Variants in SLC39A11 observed in about 807,000 individuals in gnomAD.
SLC39A11 encodes solute carrier family 39 member 11.
SLC39A11 carries 33 observed loss-of-function variants against 36.1 expected under a neutral mutation model. That is an observed-to-expected ratio of 0.91 (90% CI 0.69 to 1.22). The LOEUF is 1.22. SLC39A11 is among the 50% of genes most tolerant of loss of function. The pLI, the probability that SLC39A11 is intolerant of heterozygous loss-of-function variation, is 0.00. For missense variants in SLC39A11, 432 were observed against 430.3 expected (o/e 1.00, Z -0.03); for synonymous variants, 166 against 170.3 (o/e 0.97, Z 0.20).
At chr17:72,970,175 C>G (rs763032621) in intron 4 of SLC39A11, among the ~76,000 whole-genome samples, 6 of 152,186 alleles carry the variant, frequency 3.9e-5, no homozygotes, top group Admixed American at 6.5e-5. Flanking sequence ...AAGCAGGTCA[C>G]GGTCATTTGG....
intron 3 of SLC39A11, among the ~76,000 whole-genome samples, chr17:73,041,286 A>G (rs1489221750): frequency 6.6e-6 from 1 of 152,232 alleles, no homozygotes; most frequent in Non-Finnish European, 1.5e-5. Context: ...CACATTTTGG[A>G]AGCTTGAAGA....
chr17:72,917,037 G>A (rs1598407264), intron 5 of SLC39A11, among the ~76,000 whole-genome samples: 1 of 152,230 alleles, frequency 6.6e-6, no homozygotes, highest in East Asian at 1.9e-4. Flanking sequence ...ACTGGGGGAT[G>A]ACCACTCTAT....
At chr17:73,070,613 T>C (rs988280570) in intron 3 of SLC39A11, among the ~76,000 whole-genome samples, 1 of 152,206 alleles carries the variant, frequency 6.6e-6, no homozygotes, top group Non-Finnish European at 1.5e-5. Context: ...CCTGGTGATA[T>C]GGTTTGGCTG....
chr17:73,054,251 A>T (rs573720997), intron 3 of SLC39A11, among the ~76,000 whole-genome samples: 1 of 152,124 alleles, frequency 6.6e-6, no homozygotes, highest in African/African-American at 2.4e-5. Flanking sequence ...AGTCCCAGCT[A>T]CTCAGGAGGC....
At chr17:72,753,489 T>C (rs559026371) in intron 6 of SLC39A11, among the ~76,000 whole-genome samples, 6 of 152,372 alleles carry the variant, frequency 3.9e-5, no homozygotes, top group Admixed American at 3.9e-4. Context: ...TATTCATTTT[T>C]ATCACAGTCA....
At chr17:72,722,949 G>T (rs1197837060) in intron 7 of SLC39A11, among the ~76,000 whole-genome samples, 1 of 152,088 alleles carries the variant, frequency 6.6e-6, no homozygotes, top group East Asian at 1.9e-4. Context: ...CTTTCTAGAA[G>T]GGTGATCTCT....
chr17:72,771,211 C>A (rs1158566541), intron 6 of SLC39A11, among the ~76,000 whole-genome samples: 1 of 152,006 alleles, frequency 6.6e-6, no homozygotes, highest in Non-Finnish European at 1.5e-5. Context: ...ATGGCAAGAC[C>A]CCGTGTCTAC....
chr17:72,996,066 C>A (rs1015011390), intron 4 of SLC39A11, among the ~76,000 whole-genome samples: 1 of 152,182 alleles, frequency 6.6e-6, no homozygotes, highest in African/African-American at 2.4e-5. Flanking sequence ...ACCCTCCACA[C>A]TGCCCTCCTT....
At chr17:72,828,725 G>A (rs965278692) in intron 6 of SLC39A11, among the ~76,000 whole-genome samples, 5 of 152,158 alleles carry the variant, frequency 3.3e-5, no homozygotes, top group African/African-American at 1.2e-4. Context: ...TGGAGGTTGT[G>A]TGCCACGTTT....
intron 3 of SLC39A11, among the ~76,000 whole-genome samples, chr17:73,063,422 G>A (rs368211681): frequency 6.6e-6 from 1 of 152,052 alleles, no homozygotes; most frequent in Non-Finnish European, 1.5e-5. Context: ...AGACTTTAAC[G>A]AATTGTGTCA....
intron 5 of SLC39A11, among the ~76,000 whole-genome samples, chr17:72,884,503 G>A (rs2081358706): frequency 6.6e-6 from 1 of 152,190 alleles, no homozygotes. Context: ...TTTATTTAAT[G>A]TTCAATACAA....
At chr17:72,766,486 T>C (rs2075765136) in intron 6 of SLC39A11, among the ~76,000 whole-genome samples, 1 of 152,210 alleles carries the variant, frequency 6.6e-6, no homozygotes, top group Non-Finnish European at 1.5e-5. Flanking sequence ...TGGCCATGCC[T>C]ATCCTTCTCC....
rs575756022 is a variant in SLC39A11 at position 72,790,695 on chromosome 17, C to T, written c.602-53976G>A. The stretch of plus-strand genomic sequence containing the variant: ...TACAGGCATGTGCCACCACACCCAG[C>T]TAATTTTTGTATTTTTTAGTAGAGA... On this transcript the variant is annotated intron_variant, in intron 6 of 9. Transcript: ENST00000255559. Among the ~76,000 whole-genome samples, 11 of 152,146 alleles carry T rather than the reference C, an allele frequency of 7.2e-5. No homozygotes were observed. The East Asian group carries it at 2.1e-3, about 30-fold the overall frequency.
intron 4 of SLC39A11, among the ~76,000 whole-genome samples, chr17:72,986,242 G>A (rs879494684): frequency 1.8e-4 from 27 of 152,294 alleles, no homozygotes; most frequent in Admixed American, 1.1e-3. Context: ...GAAGCCTGAC[G>A]GCTGTGGAGC....
At chr17:73,003,107 C>T (rs548921963) in intron 4 of SLC39A11, among the ~76,000 whole-genome samples, 1 of 152,362 alleles carries the variant, frequency 6.6e-6, no homozygotes. Flanking sequence ...CCTTATTCAG[C>T]TGACCACACA....
intron 6 of SLC39A11, among the ~76,000 whole-genome samples, chr17:72,794,206 A>G (rs576971520): frequency 6.6e-6 from 1 of 152,204 alleles, no homozygotes; most frequent in East Asian, 1.9e-4. Flanking sequence ...TCTCACCTAG[A>G]AAGGAAATTC....
At chr17:73,042,990 G>A (rs1254435448) in intron 3 of SLC39A11, among the ~76,000 whole-genome samples, 5 of 152,188 alleles carry the variant, frequency 3.3e-5, no homozygotes, top group Non-Finnish European at 7.3e-5. Context: ...GGAAGAAAGA[G>A]CTAGTGTGGA....
At chr17:72,851,646 T>C (rs573971476) in intron 5 of SLC39A11, among the ~76,000 whole-genome samples, 17 of 152,164 alleles carry the variant, frequency 1.1e-4, no homozygotes, top group African/African-American at 4.1e-4. Context: ...TAGATCTCAG[T>C]CAATCACAAG....
chr17:73,043,364 A>AT (rs1387920534), intron 3 of SLC39A11, among the ~76,000 whole-genome samples: 3 of 152,152 alleles, frequency 2.0e-5, no homozygotes, highest in African/African-American at 7.2e-5. Flanking sequence ...ACTTCACACA[A>AT]TGGGTGGCTT....
Sources: gnomAD v4.1 joint callset for allele counts (sites outside exome capture counted in the v4.1 genomes callset) on GRCh38, gnomAD v4.1.1 for gene constraint, MANE v1.5 for transcripts, NCBI Gene and HGNC (gene_info 2026-07-23, HGNC 2026-07-21) for gene names.